GRIP1: variants seen among roughly 807,000 people sequenced by gnomAD.
GRIP1 encodes the protein glutamate receptor-interacting protein 1.
GRIP1 carries 45 observed loss-of-function variants against 129.9 expected under a neutral mutation model. The ratio of observed to expected loss-of-function variants is 0.35; its 90% CI spans 0.27 to 0.44. The LOEUF (loss-of-function observed/expected upper bound fraction) is 0.44. Among genes scored for constraint, GRIP1 ranks in the 20% least tolerant of loss-of-function variants. The pLI is 1.00. For missense variants in GRIP1, 1,196 were observed against 1,396.8 expected (o/e 0.86, Z 2.29); for synonymous variants, 530 against 520.8 (o/e 1.02, Z -0.24).
chr12:66,667,779 GA>G (rs1304521463), intron 1 of GRIP1, among the ~76,000 whole-genome samples: 2 of 152,160 alleles, frequency 1.3e-5, no homozygotes, highest in Non-Finnish European at 2.9e-5. Context: ...GAACAATAGG[GA>G]AGGTGATGAA....
At chr12:66,451,656 C>A (rs559003725) in intron 11 of GRIP1, among the ~76,000 whole-genome samples, 14 of 151,788 alleles carry the variant, frequency 9.2e-5, no homozygotes, top group Non-Finnish European at 1.9e-4. Flanking sequence ...GTGATCCACC[C>A]GCCTCAGCCT....
intron 1 of GRIP1, among the ~76,000 whole-genome samples, chr12:66,937,965 T>A (rs1255612859): frequency 6.6e-6 from 1 of 152,226 alleles, no homozygotes; most frequent in East Asian, 1.9e-4. Flanking sequence ...GCACTTGAAC[T>A]ATAGCTAGTC....
At chr12:66,649,016 G>A (rs116841599) in intron 1 of GRIP1, among the ~76,000 whole-genome samples, 356 of 152,206 alleles carry the variant, frequency 2.3e-3, no homozygotes, top group Non-Finnish European at 4.0e-3. Context: ...GTTTTTCACC[G>A]TATAGGCTCA....
At chr12:66,979,222 T>TAAA (rs35306665) in intron 1 of GRIP1, among the ~76,000 whole-genome samples, 1,641 of 41,194 alleles carry the variant, frequency 0.04, 190 homozygotes, top group East Asian at 0.053. Flanking sequence ...CTTCTCTTCT[T>TAAA]AAAAAAAAAA....
chr12:66,703,154 C>A (rs1438536413), intron 1 of GRIP1, among the ~76,000 whole-genome samples: 2 of 152,020 alleles, frequency 1.3e-5, no homozygotes, highest in Non-Finnish European at 2.9e-5. Flanking sequence ...AGATATGGTG[C>A]CTTGACAGGG....
chr12:66,837,498 T>C (rs971020607), intron 1 of GRIP1, among the ~76,000 whole-genome samples: 1 of 152,192 alleles, frequency 6.6e-6, no homozygotes, highest in Non-Finnish European at 1.5e-5. Flanking sequence ...CCTACTGTAA[T>C]TAGCTCAGTG....
chr12:66,904,785 G>T (rs891086812), intron 1 of GRIP1, among the ~76,000 whole-genome samples: 1 of 152,162 alleles, frequency 6.6e-6, no homozygotes, highest in Middle Eastern at 3.4e-3. Flanking sequence ...CCAGCTACTC[G>T]GGGGGCTGAG....
intron 22 of GRIP1, among the ~76,000 whole-genome samples, chr12:66,375,832 AAAC>A (rs2055759693): frequency 6.6e-6 from 1 of 152,270 alleles, no homozygotes; most frequent in African/African-American, 2.4e-5. Context: ...GCTGTTAGAA[AAAC>A]AACTTTTTTT....
intron 2 of GRIP1, among the ~76,000 whole-genome samples, chr12:66,544,641 T>C (rs2061891076): frequency 6.6e-6 from 1 of 152,192 alleles, no homozygotes; most frequent in Admixed American, 6.5e-5. Context: ...TAGAACATAC[T>C]TGCAAGAAAA....
In GRIP1 at chr12:67,061,704, G is replaced by C. The variant is rs576563245; in HGVS notation, c.58+7346C>G. Among the ~76,000 whole-genome samples, 208 of 152,164 alleles carry C rather than the reference G, an allele frequency of 1.4e-3. 1 individual carries two copies. In the South Asian group the frequency reaches 0.018, roughly 13 times the overall value. ...TACAGAATAATTATTTTTCCTTTAAGAATAGGTAATATAAATTGTATATAA... is the reference window on the plus strand; with the variant it reads ...TACAGAATAATTATTTTTCCTTTAACAATAGGTAATATAAATTGTATATAA... On this transcript the variant is annotated intron_variant, in intron 1 of 1. Coordinates refer to the GRIP1 transcript ENST00000643019.
chr12:66,676,368 T>C (rs928961642), intron 1 of GRIP1, among the ~76,000 whole-genome samples: 1 of 152,186 alleles, frequency 6.6e-6, no homozygotes, highest in Admixed American at 6.5e-5. Flanking sequence ...AATTGCCATA[T>C]TGCTTTTTCT....
chr12:66,419,510 A>G (rs2057728484), intron 15 of GRIP1, among the ~76,000 whole-genome samples: 1 of 152,230 alleles, frequency 6.6e-6, no homozygotes, highest in African/African-American at 2.4e-5. Flanking sequence ...CCTATTTTCC[A>G]TGATGTAATT....
Position 66,390,238 on chromosome 12 carries a change from C to T in GRIP1, c.2464+2070G>A, listed in dbSNP as rs577986277. ...GACTAGCTGACTCCTAAACCCTTTC[C>T]AAACCTGAAATCCTGCCTTCAGCTC... On this transcript the variant is annotated intron_variant, in intron 19 of 24. Transcript: ENST00000359742. Among the ~76,000 whole-genome samples the T allele has an allele frequency of 2.0e-5, 3 of 152,294 alleles. No individual in the cohort carries two copies. In the East Asian group the frequency reaches 5.8e-4, roughly 29 times the overall value.
chr12:66,840,509 G>C (rs909863192), intron 1 of GRIP1, among the ~76,000 whole-genome samples: 2 of 152,148 alleles, frequency 1.3e-5, no homozygotes, highest in African/African-American at 2.4e-5. Context: ...ACGACAGTAA[G>C]GGCTGCACTG....
intron 2 of GRIP1, among the ~76,000 whole-genome samples, chr12:66,542,660 T>C (rs1167523128): frequency 7.2e-5 from 11 of 152,194 alleles, no homozygotes; most frequent in Admixed American, 7.2e-4. Flanking sequence ...CTCAACTCTT[T>C]TGATTTTAGT....
intron 1 of GRIP1, among the ~76,000 whole-genome samples, chr12:66,707,452 T>G (rs2035568673): frequency 6.8e-6 from 1 of 147,264 alleles, no homozygotes; most frequent in Admixed American, 7.0e-5. Context: ...CCTTCTTCTC[T>G]GAGTAGCAGT....
intron 1 of GRIP1, among the ~76,000 whole-genome samples, chr12:66,769,848 C>T (rs1266607374): frequency 6.6e-6 from 1 of 152,102 alleles, no homozygotes; most frequent in Non-Finnish European, 1.5e-5. Flanking sequence ...TTTCCTTTCC[C>T]ATCCCACCTT....
At chr12:66,433,094 C>G (rs2058198259) in intron 13 of GRIP1, among the ~76,000 whole-genome samples, 1 of 152,094 alleles carries the variant, frequency 6.6e-6, no homozygotes, top group Non-Finnish European at 1.5e-5. Context: ...CCCCCACCTC[C>G]ACTCCTATTT....
chr12:66,883,523 G>A lies in GRIP1; in HGVS notation c.58+185527C>T, dbSNP rs550747398. 7.2e-5 allele frequency among the ~76,000 whole-genome samples: 11 copies of A among 152,292 alleles called. 1 individual carries two copies. In the South Asian group the frequency reaches 2.1e-3, roughly 29 times the overall value. On this transcript the variant is annotated intron_variant, in intron 1 of 1. Coordinates refer to the GRIP1 transcript ENST00000643019. ...ACATTCATGGAAGGCTGCCCCTTCTGAGTGAAAACTGAATCTGATTAGAGA... is the reference window on the plus strand; with the variant it reads ...ACATTCATGGAAGGCTGCCCCTTCTAAGTGAAAACTGAATCTGATTAGAGA...
Sources: allele counts gnomAD v4.1 joint callset (sites outside exome capture counted in the v4.1 genomes callset), GRCh38; gene constraint gnomAD v4.1.1; transcripts MANE v1.5; gene names NCBI Gene and HGNC (gene_info 2026-07-23, HGNC 2026-07-21).